Variants in BACE2 observed in about 807,000 individuals in gnomAD.
The protein encoded by BACE2 is beta-secretase 2.
In BACE2, 17 loss-of-function variants were observed where a neutral mutation model predicts 46.2. The ratio of observed to expected loss-of-function variants is 0.37; its 90% CI spans 0.25 to 0.55. The LOEUF is 0.55. Among genes scored for constraint, BACE2 ranks in the 20% least tolerant of loss-of-function variants. The pLI, the probability that BACE2 is intolerant of heterozygous loss-of-function variation, is 0.82. For synonymous variants in BACE2, 277 were observed against 295.9 expected, an observed-to-expected ratio of 0.94 and a Z score of 0.66; for missense variants, 595 against 698.1, an observed-to-expected ratio of 0.85 and a Z score of 1.66.
intron 2 of BACE2, chr21:41,230,048 G>A (rs1986929284): frequency 6.6e-6 from 1 of 152,222 alleles, no homozygotes. Flanking sequence ...CAAATTCAGT[G>A]TACCTTCCTT....
At chr21:41,262,942 A>G (rs1987977213) in intron 8 of BACE2, among the ~76,000 whole-genome samples, 1 of 152,090 alleles carries the variant, frequency 6.6e-6, no homozygotes, top group South Asian at 2.1e-4. Flanking sequence ...TGCAAATCAT[A>G]TATTTTAAAT....
rs188132989 is a variant in BACE2 at position 41,245,429 on chromosome 21, G to A, written c.883-533G>A. ...GAAGAACATTGCAGGTGAGGACAGGGCTGGCAGCGCCTGTGTGTGTCTCAG... is the reference window on the plus strand; with the variant it reads ...GAAGAACATTGCAGGTGAGGACAGGACTGGCAGCGCCTGTGTGTGTCTCAG... On this transcript the variant is annotated intron_variant, in intron 5 of 8. Transcript: ENST00000330333. Among the ~76,000 whole-genome samples, 6 of 152,356 alleles carry A rather than the reference G, an allele frequency of 3.9e-5. No individual in the cohort carries two copies. The East Asian group carries it at 9.6e-4, about 25-fold the overall frequency.
At chr21:41,238,287 G>A (rs919008168) in intron 3 of BACE2, among the ~76,000 whole-genome samples, 6 of 152,228 alleles carry the variant, frequency 3.9e-5, no homozygotes, top group African/African-American at 1.4e-4. Flanking sequence ...AGGAATTGTG[G>A]AACCCTGCTC....
intron 1 of BACE2, among the ~76,000 whole-genome samples, chr21:41,174,705 G>C (rs944592104): frequency 1.3e-5 from 2 of 152,098 alleles, no homozygotes; most frequent in African/African-American, 4.8e-5. Context: ...ACGGGGTGGT[G>C]GTCCTCCTTG....
intron 8 of BACE2, among the ~76,000 whole-genome samples, chr21:41,261,190 T>G (rs571162810): frequency 6.6e-6 from 1 of 152,340 alleles, no homozygotes; most frequent in African/African-American, 2.4e-5. Flanking sequence ...TATGCAACTC[T>G]TCAGTGTTAT....
intron 1 of BACE2, among the ~76,000 whole-genome samples, chr21:41,197,977 T>C (rs149672807): frequency 6.6e-6 from 1 of 152,298 alleles, no homozygotes; most frequent in East Asian, 1.9e-4. Context: ...AGAAGTTAAA[T>C]ACTCAAAAAT....
intron 7 of BACE2, among the ~76,000 whole-genome samples, chr21:41,252,916 A>G (rs1321786504): frequency 6.6e-6 from 1 of 150,402 alleles, no homozygotes; most frequent in African/African-American, 2.5e-5. Flanking sequence ...GGCCGACAGG[A>G]GATACCACGC....
At chr21:41,179,666 G>C in intron 1 of BACE2, 1 of 1,347,572 alleles carries the variant, frequency 7.4e-7, no homozygotes, top group Non-Finnish European at 9.9e-7. Context: ...GATTTTAGTA[G>C]AACAAAGGCC....
chr21:41,274,983 C>G (rs764805298), intron 8 of BACE2, among the ~76,000 whole-genome samples: 8 of 152,178 alleles, frequency 5.3e-5, no homozygotes, highest in Non-Finnish European at 1.2e-4. Flanking sequence ...TCTTTCTCCT[C>G]TTTTTTCATC....
At chr21:41,178,800 A>G in intron 1 of BACE2, 1 of 224,300 alleles carries the variant, frequency 4.5e-6, no homozygotes, top group Non-Finnish European at 8.8e-6. Flanking sequence ...GCAACAGTCA[A>G]CTAGACAGAG....
rs190422428 is a variant in BACE2, at chr21:41,181,200, G to T, written c.312+12625G>T. 2.5e-4 allele frequency: 42 copies of T among 167,204 alleles called. No individual in the cohort carries two copies. In the East Asian group the frequency reaches 7.1e-3, roughly 28 times the overall value. The allele number at this position is 167,204 out of a possible 1,614,324, so 10.4% of individuals were successfully genotyped here. ...AGGGAAAGCTATTCCTTAAAGAAGA[G>T]GTGACTCCTTAGGGAGTTGGAGTGG... is the stretch of plus-strand genomic sequence containing the variant. On this transcript the variant is annotated intron_variant, in intron 1 of 8. Coordinates refer to ENST00000330333, the MANE Select transcript of BACE2 (RefSeq NM_012105.5).
rs574479305 is a variant in BACE2, at chr21:41,221,970, G to A, written c.313-4296G>A. On this transcript the variant is annotated intron_variant, in intron 1 of 8. Coordinates refer to ENST00000330333, the MANE Select transcript of BACE2 (RefSeq NM_012105.5). ...CGCTGGTGGGGCGGAGGCAGCAGGA[G>A]CTGTCGGGACCCCGTGAATGGCATG... Among the ~76,000 whole-genome samples, 39 of 152,364 alleles carry A rather than the reference G, an allele frequency of 2.6e-4. No individual in the cohort carries two copies. In the East Asian group the frequency reaches 5.0e-3, roughly 20 times the overall value.
chr21:41,242,090 T>A, intron 4 of BACE2, 143 bp downstream of exon 4: 1 of 1,119,820 alleles, frequency 8.9e-7, no homozygotes, highest in Non-Finnish European at 1.3e-6. Flanking sequence ...TTGTAGTAGA[T>A]CTTTTTAGAA....
Position 41,222,448 on chromosome 21 carries a change from G to GA in BACE2, c.313-3817dup, listed in dbSNP as rs151301751. ...ACCTGGACCTGGGTATCCTGGGGAA[G>GA]AGCCCCCACCCCAGCAAGGTGGCCA... On this transcript the variant is annotated intron_variant, in intron 1 of 8. Coordinates refer to ENST00000330333, the MANE Select transcript of BACE2 (RefSeq NM_012105.5). Among the ~76,000 whole-genome samples the GA allele has an allele frequency of 3.6e-3, 548 of 152,320 alleles. 1 individual carries two copies. Among genetic ancestry groups the GA allele is most frequent in the Middle Eastern group, 0.031 (9 of 294 alleles).
rs1165321621 is a variant in BACE2, at chr21:41,267,756, G to A, written c.1304-7615G>A. On this transcript the variant is annotated intron_variant, in intron 8 of 8. Transcript: ENST00000330333. The stretch of plus-strand genomic sequence containing the variant: ...CTCATTTTACAGAAGAGAACACTGA[G>A]GGCCCCAGATTTTCCGTAGCTTTCA... Among the ~76,000 whole-genome samples the A allele has an allele frequency of 2.0e-5, 3 of 152,208 alleles. No individual in the cohort carries two copies. In the East Asian group the frequency reaches 5.8e-4, roughly 29 times the overall value.
intron 1 of BACE2, among the ~76,000 whole-genome samples, chr21:41,188,748 G>C (rs912001403): frequency 5.9e-5 from 9 of 152,226 alleles, no homozygotes; most frequent in Non-Finnish European, 4.4e-5. Flanking sequence ...CCAGGAACTG[G>C]GGTCAATCAG....
At chr21:41,215,370 C>T (rs916644427) in intron 1 of BACE2, among the ~76,000 whole-genome samples, 3 of 152,124 alleles carry the variant, frequency 2.0e-5, no homozygotes, top group Non-Finnish European at 4.4e-5. Context: ...TCCTGGTGGA[C>T]AGGCCATTCT....
chr21:41,227,915 C>A (rs1250598602), intron 2 of BACE2, among the ~76,000 whole-genome samples: 2 of 152,152 alleles, frequency 1.3e-5, no homozygotes, highest in Non-Finnish European at 2.9e-5. Flanking sequence ...CCCCAAACAG[C>A]CCTCACCTCC....
chr21:41,248,412 C>T (rs1205775435), intron 6 of BACE2, among the ~76,000 whole-genome samples: 1 of 152,178 alleles, frequency 6.6e-6, no homozygotes, highest in Admixed American at 6.5e-5. Context: ...TTGGAACCTC[C>T]TTGTCCACCT....
Sources: allele counts gnomAD v4.1 joint callset (sites outside exome capture counted in the v4.1 genomes callset), GRCh38; gene constraint gnomAD v4.1.1; transcripts MANE v1.5; gene names NCBI Gene and HGNC (gene_info 2026-07-23, HGNC 2026-07-21).